SLC12A7: variants seen among roughly 807,000 people sequenced by gnomAD.
SLC12A7 encodes the protein solute carrier family 12 member 7, also known as K-Cl cotransporter 4.
A neutral mutation model predicts 120.6 loss-of-function variants in SLC12A7; 100 were observed. The observed-to-expected ratio is 0.83, with a 90% CI of 0.71 to 0.98. The LOEUF is 0.98. Among genes scored for constraint, SLC12A7 ranks in the 50% least tolerant of loss-of-function variants. The pLI, the probability that SLC12A7 is intolerant of heterozygous loss-of-function variation, is 0.00. For missense variants in SLC12A7, 1,373 were observed against 1,548.1 expected, an observed-to-expected ratio of 0.89 and a Z score of 1.90; for synonymous variants, 760 against 678.0, an observed-to-expected ratio of 1.12 and a Z score of -1.88.
chr5:1,139,412 CA>C, the SLC12A7 span, among the ~76,000 whole-genome samples: 4 of 152,268 alleles, frequency 2.6e-5, no homozygotes, highest in African/African-American at 9.6e-5. Context: ...CCCTGGGCCC[CA>C]AACCAAGAGG....
the SLC12A7 span, among the ~76,000 whole-genome samples, chr5:1,135,014 CTACT>C: frequency 0.072 from 10,944 of 152,062 alleles, 647 homozygotes; most frequent in African/African-American, 0.15. Flanking sequence ...GTAATCCCAG[CTACT>C]CGGGAGGCTG....
At chr5:1,100,655 A>C (rs2150898326) in intron 1 of SLC12A7, among the ~76,000 whole-genome samples, 1 of 152,344 alleles carries the variant, frequency 6.6e-6, no homozygotes, top group East Asian at 1.9e-4. Context: ...CGCCGCATGC[A>C]GGGAGGGCGC....
the SLC12A7 span, among the ~76,000 whole-genome samples, chr5:1,143,847 GGGCACCCTGGCGCTT>G: frequency 6.6e-6 from 1 of 151,892 alleles, no homozygotes; most frequent in Non-Finnish European, 1.5e-5. Context: ...CTGGCCTCCT[GGGCACCCTGGCGCTT>G]GGCACCCTGG....
At chr5:1,077,710 G>T in intron 12 of SLC12A7, 123 bp downstream of exon 12, 1 of 1,060,910 alleles carries the variant, frequency 9.4e-7, no homozygotes, top group South Asian at 1.7e-5. Flanking sequence ...GGGGCAGAAT[G>T]ACCACCATGG....
In SLC12A7 at chr5:1,083,971, G is replaced by C. The variant is rs745565097; in HGVS notation, c.918-15C>G. ...GGAGGCAGACCCTGGGCGGGACAGG[G>C]AGGCACGGCACGTGTGCTGCCACCG... is the stretch of plus-strand genomic sequence containing the variant. On this transcript the variant is annotated splice_polypyrimidine_tract_variant and intron_variant, in intron 7 of 23. Transcript: ENST00000264930. The C allele has an allele frequency of 1.9e-6, 3 of 1,597,336 alleles. No homozygotes were observed. Among genetic ancestry groups the C allele is most frequent in the Middle Eastern group, 2.2e-4 (1 of 4,544 alleles).
At chr5:1,069,615 C>T (rs573603581) in intron 17 of SLC12A7, among the ~76,000 whole-genome samples, 6 of 152,312 alleles carry the variant, frequency 3.9e-5, no homozygotes, top group South Asian at 2.1e-4. Flanking sequence ...GAGGCGCCCA[C>T]GGCAGCCAGC....
the SLC12A7 span, among the ~76,000 whole-genome samples, chr5:1,120,968 G>A: frequency 1.3e-5 from 2 of 152,362 alleles, no homozygotes; most frequent in South Asian, 2.1e-4. Flanking sequence ...TTTAAGATGT[G>A]TGCTGCTCCC....
intron 21 of SLC12A7, among the ~76,000 whole-genome samples, chr5:1,058,954 G>C (rs963972871): frequency 6.6e-6 from 1 of 152,214 alleles, no homozygotes; most frequent in Non-Finnish European, 1.5e-5. Context: ...CTTCGAGCTC[G>C]AGCTTGCTGT....
At chr5:1,065,886 C>T (rs1736995528) in intron 17 of SLC12A7, among the ~76,000 whole-genome samples, 1 of 151,638 alleles carries the variant, frequency 6.6e-6, no homozygotes, top group South Asian at 2.1e-4. Flanking sequence ...CAAAGGGAGG[C>T]CGTGGGGTCC....
intron 1 of SLC12A7, among the ~76,000 whole-genome samples, chr5:1,095,622 C>T (rs537202172): frequency 2.6e-5 from 4 of 152,326 alleles, no homozygotes; most frequent in South Asian, 2.1e-4. Flanking sequence ...AGGCAGGATG[C>T]GAGGTGGCCG....
intron 17 of SLC12A7, among the ~76,000 whole-genome samples, chr5:1,067,305 C>T (rs1203580709): frequency 2.6e-5 from 4 of 152,350 alleles, no homozygotes; most frequent in Non-Finnish European, 4.4e-5. Flanking sequence ...AGGCAGAGAC[C>T]GGCTGGAGGC....
chr5:1,063,813 G>T, intron 20 of SLC12A7, 31 bp downstream of exon 20: 1 of 157,020 alleles, frequency 6.4e-6, no homozygotes, highest in African/African-American at 5.0e-5. Context: ...ACCTCCCCCC[G>T]GCCTCCTCCC....
chr5:1,099,233 T>TA (rs1182260572), intron 1 of SLC12A7, among the ~76,000 whole-genome samples: 1 of 152,088 alleles, frequency 6.6e-6, no homozygotes. Context: ...AGCACCCAGA[T>TA]ACCACGTGCC....
At chr5:1,107,020 CAG>C (rs1742579500) in intron 1 of SLC12A7, among the ~76,000 whole-genome samples, 2 of 152,232 alleles carry the variant, frequency 1.3e-5, no homozygotes, top group Admixed American at 6.5e-5. Context: ...GGTAAATGTG[CAG>C]AGTCACTAAG....
intron 1 of SLC12A7, among the ~76,000 whole-genome samples, chr5:1,103,041 G>GCCCTTGCCCTCCCTCTGC (rs1254326421): frequency 6.6e-6 from 1 of 152,158 alleles, no homozygotes; most frequent in Non-Finnish European, 1.5e-5. Flanking sequence ...ACGACCCCTG[G>GCCCTTGCCCTCCCTCTGC]CCCTTGCCCT....
rs143646407 is a variant in SLC12A7, at chr5:1,060,620, A to T, written c.2740-169T>A. Among the ~76,000 whole-genome samples the T allele has an allele frequency of 2.9e-4, 44 of 152,306 alleles. 2 individuals carry two copies. The East Asian group carries it at 8.1e-3, about 28-fold the overall frequency. On this transcript the variant is annotated intron_variant, in intron 20 of 23. Transcript: ENST00000264930. Reference sequence around the variant, plus strand: ...TCAGGCCCCCCGCCCAGTGGCCAGGAAGGTGTGAGCGCACGATGGGCAGTC... The same window carrying T: ...TCAGGCCCCCCGCCCAGTGGCCAGGTAGGTGTGAGCGCACGATGGGCAGTC...
At chr5:1,100,846 C>T (rs1741946726) in intron 1 of SLC12A7, among the ~76,000 whole-genome samples, 1 of 152,220 alleles carries the variant, frequency 6.6e-6, no homozygotes. Flanking sequence ...CCCGAGGCAG[C>T]GTGGGAACTT....
rs1185786888 is a variant in SLC12A7, at chr5:1,085,444, G to T, written c.705C>A (p.Phe235Leu). ...LTYISPGAAI[F>L]QAEAAGGEAA... ...CCTCGCCACCTGCAGCCTCCGCCTG[G>T]AAGATGGCCGCACCCGGGGAGATGT... is the stretch of plus-strand genomic sequence containing the variant. The change falls in exon 7 of 24, where the codon TTC (phenylalanine) becomes TTA (leucine). Residue 235 changes from phenylalanine (F) to leucine (L), a missense_variant. Coordinates refer to ENST00000264930, the MANE Select transcript of SLC12A7 (RefSeq NM_006598.3). 3 of 1,609,184 alleles carry T rather than the reference G, an allele frequency of 1.9e-6. No individual in the cohort carries two copies.
the SLC12A7 span, among the ~76,000 whole-genome samples, chr5:1,119,452 C>T: frequency 1.6e-3 from 245 of 152,324 alleles, 3 homozygotes; most frequent in Non-Finnish European, 2.7e-3. Flanking sequence ...CATCCCTGCC[C>T]GGGTGACGCC....
Sources: allele counts gnomAD v4.1 joint callset (sites outside exome capture counted in the v4.1 genomes callset), GRCh38; gene constraint gnomAD v4.1.1; transcripts MANE v1.5; gene names NCBI Gene and HGNC (gene_info 2026-07-23, HGNC 2026-07-21).